The following RASSF5 variants were observed in gnomAD, a reference collection of about 807,000 sequenced individuals.
RASSF5 encodes ras association domain-containing protein 5.
RASSF5 carries 25 observed loss-of-function variants against 40.5 expected under a neutral mutation model. That is an observed-to-expected ratio of 0.62 (90% CI 0.45 to 0.86). The LOEUF (loss-of-function observed/expected upper bound fraction) is 0.86, where lower values mean the gene tolerates loss of function less well. Among genes scored for constraint, RASSF5 ranks in the 40% least tolerant of loss-of-function variants. The pLI is 0.00. For synonymous variants in RASSF5, 246 were observed against 252.4 expected, an observed-to-expected ratio of 0.97 and a Z score of 0.24; for missense variants, 521 against 572.8, an observed-to-expected ratio of 0.91 and a Z score of 0.92.
At chr1:206,568,001 C>T (rs1231151778) in intron 2 of RASSF5, among the ~76,000 whole-genome samples, 1 of 152,162 alleles carries the variant, frequency 6.6e-6, no homozygotes, top group Non-Finnish European at 1.5e-5. Context: ...AATGCCAGAG[C>T]TCCTAACCAC....
rs149895044 is a variant in RASSF5, at chr1:206,560,021, A to G, written c.579+21728A>G. ...ATCACTTCTGGAAAGGGTTTTAAAG[A>G]GCTCTGCCATATTCTGACCCCATTC... On this transcript the variant is annotated intron_variant, in intron 2 of 5. Transcript: ENST00000579436. The surrounding 1 kb of genome is among the most constrained non-coding windows in gnomAD (Gnocchi z 5.1). 3.9e-5 allele frequency among the ~76,000 whole-genome samples: 6 copies of G among 152,240 alleles called. No homozygotes were observed. The East Asian group carries it at 1.2e-3, about 29-fold the overall frequency.
Position 206,513,490 on chromosome 1 carries a change from T to C in RASSF5, c.457+5431T>C, listed in dbSNP as rs1434861637. 1.3e-5 allele frequency among the ~76,000 whole-genome samples: 2 copies of C among 152,226 alleles called. No homozygotes were observed. Among genetic ancestry groups the C allele is most frequent in the African/African-American group, 4.8e-5 (2 of 41,460 alleles). On this transcript the variant is annotated intron_variant, in intron 1 of 5. Coordinates refer to ENST00000579436, the MANE Select transcript of RASSF5 (RefSeq NM_182663.4). This position sits in a 1 kb window ranked among gnomAD's most constrained non-coding sequence, Gnocchi z 5.0. ...AGCACCAGCTGGTATGATTTCCTTC[T>C]CACAAGCTTGCAGACCTGGGTCTGT...
intron 2 of RASSF5, among the ~76,000 whole-genome samples, chr1:206,545,145 A>G (rs1256563423): frequency 6.6e-6 from 1 of 152,130 alleles, no homozygotes; most frequent in African/African-American, 2.4e-5. Context: ...AACACATGTT[A>G]ATTGAACTGT....
chr1:206,557,749 T>G, intron 2 of RASSF5: 1 of 1,585,466 alleles, frequency 6.3e-7, no homozygotes, highest in Non-Finnish European at 8.6e-7. Context: ...ACCTCTGTGG[T>G]CAATCTAGAA....
At chr1:206,553,748 C>A (rs1222896575) in intron 2 of RASSF5, among the ~76,000 whole-genome samples, 3 of 152,134 alleles carry the variant, frequency 2.0e-5, no homozygotes, top group Non-Finnish European at 2.9e-5. Context: ...GAAAGGAAGA[C>A]GGGGGCATAG....
At chr1:206,573,595 T>C (rs1668529217) in intron 2 of RASSF5, among the ~76,000 whole-genome samples, 1 of 152,246 alleles carries the variant, frequency 6.6e-6, no homozygotes, top group Admixed American at 6.5e-5. Context: ...AGCAAGTATT[T>C]CCTATTTGCC....
chr1:206,587,006 C>T lies in RASSF5; in HGVS notation c.*28C>T, dbSNP rs371045571. 54 of 1,613,194 alleles carry T rather than the reference C, an allele frequency of 3.3e-5. No homozygotes were observed. The highest frequency in any genetic ancestry group is 3.1e-4 in the East Asian group (14 of 44,882). ...GGTCCTGCTTCCTCTCCTCCTGGTG[C>T]ATTCAGATTTATTTGTATTATTAAT... is the stretch of plus-strand genomic sequence containing the variant. On this transcript the variant is annotated 3_prime_UTR_variant, in exon 6 of 6. Coordinates refer to ENST00000579436, the MANE Select transcript of RASSF5 (RefSeq NM_182663.4).
rs1553397910 is a variant in RASSF5, at chr1:206,531,259, T to C, written c.458-6913T>C. On this transcript the variant is annotated intron_variant, in intron 1 of 5. Coordinates refer to ENST00000579436, the MANE Select transcript of RASSF5 (RefSeq NM_182663.4). This position sits in a 1 kb window ranked among gnomAD's most constrained non-coding sequence, Gnocchi z 4.7. ...CAATTTGTAGTAGTCCCTTTCTGAA[T>C]GCTTGCTAGTGAATGGGCTTCCCAA... Among the ~76,000 whole-genome samples, 1 of 152,210 alleles carries C rather than the reference T, an allele frequency of 6.6e-6. No individual in the cohort carries two copies. Among genetic ancestry groups the C allele is most frequent in the Non-Finnish European group, 1.5e-5 (1 of 68,040 alleles).
At position 206,513,190 on chromosome 1, in the gene RASSF5, C is replaced by G. The variant is rs1302595161; in HGVS notation, c.457+5131C>G. Among the ~76,000 whole-genome samples the G allele has an allele frequency of 6.6e-6, 1 of 152,180 alleles. No individual in the cohort carries two copies. Among genetic ancestry groups the G allele is most frequent in the Non-Finnish European group, 1.5e-5 (1 of 68,018 alleles). On this transcript the variant is annotated intron_variant, in intron 1 of 5. Coordinates refer to ENST00000579436, the MANE Select transcript of RASSF5 (RefSeq NM_182663.4). The surrounding 1 kb of genome is among the most constrained non-coding windows in gnomAD (Gnocchi z 5.0). ...CCCAGCTCCTGCACCCCAGTGTTCT[C>G]CCACAGGGTTCTCTCTGGCTCCCAC... is the stretch of plus-strand genomic sequence containing the variant.
At chr1:206,554,993 G>A (rs571650300) in intron 2 of RASSF5, among the ~76,000 whole-genome samples, 2 of 152,242 alleles carry the variant, frequency 1.3e-5, no homozygotes, top group South Asian at 2.1e-4. Flanking sequence ...GTAATGAGCT[G>A]TGATGGAACA....
chr1:206,564,847 G>T (rs1668242332), intron 2 of RASSF5, among the ~76,000 whole-genome samples: 1 of 152,144 alleles, frequency 6.6e-6, no homozygotes, highest in African/African-American at 2.4e-5. Context: ...TGATTTCAGG[G>T]CCAGGAGGAA....
chr1:206,585,488 G>T (rs1281794772), intron 5 of RASSF5, 193 bp downstream of exon 5: 2 of 528,214 alleles, frequency 3.8e-6, no homozygotes, highest in South Asian at 5.0e-5. Flanking sequence ...ACACCCTGGG[G>T]TAGCACATTA....
chr1:206,579,269 GT>G lies in RASSF5; in HGVS notation c.580-3999del, dbSNP rs1668776024. Among the ~76,000 whole-genome samples the G allele has an allele frequency of 6.6e-6, 1 of 152,168 alleles. No homozygotes were observed. The highest frequency in any genetic ancestry group is 2.4e-5 in the African/African-American group (1 of 41,424). ...TTCCATGCCAGATGCACTGAGATGT[GT>G]GAGCCCCCAGGAGAGACACCTCACA... On this transcript the variant is annotated intron_variant, in intron 2 of 5. Transcript: ENST00000579436. The surrounding 1 kb of genome is among the most constrained non-coding windows in gnomAD (Gnocchi z 4.2).
chr1:206,514,417 T>C (rs1156976933), intron 1 of RASSF5, among the ~76,000 whole-genome samples: 1 of 152,202 alleles, frequency 6.6e-6, no homozygotes, highest in African/African-American at 2.4e-5. Context: ...AGGGGTGGTG[T>C]TGGAAAGAGT....
In RASSF5 at chr1:206,584,452, G is replaced by A. The variant is rs781912138; in HGVS notation, c.756G>A (p.Val252=). 2 of 1,614,186 alleles carry A rather than the reference G, an allele frequency of 1.2e-6. No individual in the cohort carries two copies. The highest frequency in any genetic ancestry group is 1.7e-5 in the Admixed American group (1 of 60,026). ...TGAAACTCCGGCGGCCTGTGACGGTGCCTGCTGGGATCCGGCCCCAGTCCA... is the reference window on the plus strand; with the variant it reads ...TGAAACTCCGGCGGCCTGTGACGGTACCTGCTGGGATCCGGCCCCAGTCCA... The part of the protein sequence containing the change: ...VHLKLRRPVT[V]PAGIRPQSIY... The change falls in exon 4 of 6, where the codon GTG becomes GTA. Residue 252 remains valine (V), a synonymous_variant. Transcript: ENST00000579436. The surrounding 1 kb of genome is among the most constrained non-coding windows in gnomAD (Gnocchi z 4.9).
At chr1:206,546,216 C>T (rs1667689246) in intron 2 of RASSF5, among the ~76,000 whole-genome samples, 1 of 147,526 alleles carries the variant, frequency 6.8e-6, no homozygotes, top group Admixed American at 6.8e-5. Flanking sequence ...CTCAGGTGAT[C>T]CTCCACTTCA....
rs782332000 is a variant in RASSF5 at position 206,584,399 on chromosome 1, A to G, written c.703A>G (p.Thr235Ala). ...CCCCCGCTGGCAGAGTGAAGACGGCACCTACACGGGTTTCATCAAAGTGCA... is the reference window on the plus strand; with the variant it reads ...CCCCCGCTGGCAGAGTGAAGACGGCGCCTACACGGGTTTCATCAAAGTGCA... ...CLGMKLSEDG[T>A]YTGFIKVHLK... The change falls in exon 4 of 6, where the codon ACC becomes GCC. Residue 235 changes from threonine to alanine, a missense_variant. Physicochemically the swap from Thr to Ala is moderately conservative, Grantham distance 58 (BLOSUM62 0). Transcript: ENST00000579436. This position sits in a 1 kb window ranked among gnomAD's most constrained non-coding sequence, Gnocchi z 4.9. 1 of 1,612,680 alleles carries G rather than the reference A, an allele frequency of 6.2e-7. No homozygotes were observed. The highest frequency in any genetic ancestry group is 8.5e-7 in the Non-Finnish European group (1 of 1,179,080).
chr1:206,532,209 C>G (rs1330435221), intron 1 of RASSF5, among the ~76,000 whole-genome samples: 1 of 152,112 alleles, frequency 6.6e-6, no homozygotes, highest in Non-Finnish European at 1.5e-5. Context: ...TGGTGAGACT[C>G]AGGAATCCAC....
chr1:206,557,445 C>G, intron 2 of RASSF5: 1 of 1,437,008 alleles, frequency 7.0e-7, no homozygotes, highest in Non-Finnish European at 9.1e-7. Flanking sequence ...GACCAGCTCC[C>G]GGCTCGGGGC....
Sources: gnomAD v4.1 joint callset for allele counts (sites outside exome capture counted in the v4.1 genomes callset) on GRCh38, gnomAD v4.1.1 for gene constraint, Gnocchi (gnomAD v3.1) non-coding constraint, MANE v1.5 for transcripts, NCBI Gene and HGNC (gene_info 2026-07-23, HGNC 2026-07-21) for gene names.